The following PIK3C2G variants were observed in gnomAD, a reference collection of about 807,000 sequenced individuals.
The protein encoded by PIK3C2G is phosphatidylinositol 3-kinase C2 domain-containing subunit gamma.
A neutral mutation model predicts 181.1 loss-of-function variants in PIK3C2G; 168 were observed. That is an observed-to-expected ratio of 0.93 (90% CI 0.82 to 1.05). The LOEUF (loss-of-function observed/expected upper bound fraction) is 1.05. PIK3C2G is among the 50% of genes least tolerant of loss of function. The pLI is 0.00. For synonymous variants in PIK3C2G, 573 were observed against 592.2 expected (o/e 0.97, Z 0.47); for missense variants, 1,869 against 1,732.8 (o/e 1.08, Z -1.40).
At chr12:18,430,120 A>G (rs947784340) in intron 18 of PIK3C2G, among the ~76,000 whole-genome samples, 2 of 152,248 alleles carry the variant, frequency 1.3e-5, no homozygotes, top group African/African-American at 2.4e-5. Context: ...ATTCTGCCTC[A>G]TGTCCTGTTC....
intron 24 of PIK3C2G, among the ~76,000 whole-genome samples, chr12:18,517,480 T>A (rs1592468070): frequency 6.6e-6 from 1 of 152,314 alleles, no homozygotes; most frequent in East Asian, 1.9e-4. Context: ...AGGTATTTTA[T>A]TCTCTTTGTA....
the PIK3C2G span, among the ~76,000 whole-genome samples, chr12:18,694,476 A>G: frequency 6.6e-6 from 1 of 152,162 alleles, no homozygotes; most frequent in Non-Finnish European, 1.5e-5. Flanking sequence ...TATGGGGGGA[A>G]GAATCCTGAC....
chr12:18,640,626 T>C, intron 32 of PIK3C2G, 72 bp downstream of exon 32: 3 of 1,388,808 alleles, frequency 2.2e-6, no homozygotes, highest in Non-Finnish European at 3.0e-6. Context: ...CAACCAAATA[T>C]GGAAAATTTG....
intron 23 of PIK3C2G, among the ~76,000 whole-genome samples, 181 bp downstream of exon 23, chr12:18,503,598 A>G (rs773759176): frequency 2.2e-4 from 34 of 152,166 alleles, no homozygotes; most frequent in Admixed American, 2.2e-3. Context: ...AAGTTTCTGC[A>G]TTTTATTTAG....
downstream of PIK3C2G, among the ~76,000 whole-genome samples, chr12:18,651,262 C>G (rs487232): frequency 5.4e-3 from 828 of 152,062 alleles, 9 homozygotes; most frequent in African/African-American, 0.019. Context: ...TGCCTAGCTC[C>G]CTTACCTCTC....
At chr12:18,635,876 A>C (rs959536723) in intron 31 of PIK3C2G, among the ~76,000 whole-genome samples, 1 of 152,134 alleles carries the variant, frequency 6.6e-6, no homozygotes, top group South Asian at 2.1e-4. Context: ...CCCACTAGTC[A>C]TTGTGCCTCT....
At chr12:18,510,267 A>G (rs144386772) in intron 24 of PIK3C2G, among the ~76,000 whole-genome samples, 158 of 152,260 alleles carry the variant, frequency 1.0e-3, no homozygotes, top group Non-Finnish European at 1.8e-3. Flanking sequence ...TGCCCGACCT[A>G]TCTTCATTTT....
intron 18 of PIK3C2G, among the ~76,000 whole-genome samples, chr12:18,455,320 C>A (rs1301604753): frequency 6.6e-6 from 1 of 151,756 alleles, no homozygotes; most frequent in Non-Finnish European, 1.5e-5. Flanking sequence ...AGATGCCTCC[C>A]ACCTAAGGTA....
At chr12:18,483,072 G>A (rs546375945) in intron 18 of PIK3C2G, among the ~76,000 whole-genome samples, 1 of 152,246 alleles carries the variant, frequency 6.6e-6, no homozygotes, top group Non-Finnish European at 1.5e-5. Context: ...AGAGCAACAA[G>A]GGAAAGTAAC....
chr12:18,625,020 T>C (rs10732525), intron 31 of PIK3C2G, among the ~76,000 whole-genome samples: 72,200 of 151,304 alleles, frequency 0.48, 18,256 homozygotes, highest in East Asian at 0.79. Flanking sequence ...GTTTTTGTAG[T>C]CTCATCTATT....
chr12:18,333,368 A>G (rs975091811), intron 8 of PIK3C2G, among the ~76,000 whole-genome samples: 2 of 152,064 alleles, frequency 1.3e-5, no homozygotes, highest in African/African-American at 4.8e-5. Flanking sequence ...TACACGTGCC[A>G]TGGTGGTTTG....
At chr12:18,558,344 A>G (rs1048426239) in intron 26 of PIK3C2G, among the ~76,000 whole-genome samples, 1 of 152,314 alleles carries the variant, frequency 6.6e-6, no homozygotes, top group African/African-American at 2.4e-5. Flanking sequence ...ATTTAATGCT[A>G]TGTTCTGAAT....
At chr12:18,313,921 T>C (rs1950747682) in intron 5 of PIK3C2G, 41 bp from the exon 6 acceptor site, 2 of 992,224 alleles carry the variant, frequency 2.0e-6, no homozygotes, top group Non-Finnish European at 3.1e-6. Context: ...TTTGGGAATA[T>C]TATGGGAGGA....
chr12:18,659,707 G>A, the PIK3C2G span, among the ~76,000 whole-genome samples: 2 of 132,898 alleles, frequency 1.5e-5, no homozygotes, highest in African/African-American at 2.9e-5. Flanking sequence ...AAGTTTTAGG[G>A]CACATGTGCA....
At chr12:18,669,321 G>A in the PIK3C2G span, among the ~76,000 whole-genome samples, 1 of 152,060 alleles carries the variant, frequency 6.6e-6, no homozygotes, top group African/African-American at 2.4e-5. Context: ...GTGGTCTCTT[G>A]TATTCTTACT....
At chr12:18,365,546 C>T (rs1941579717) in intron 12 of PIK3C2G, among the ~76,000 whole-genome samples, 2 of 152,132 alleles carry the variant, frequency 1.3e-5, no homozygotes, top group South Asian at 4.1e-4. Flanking sequence ...TTGATCTCAC[C>T]CTCCATCTTG....
downstream of PIK3C2G, among the ~76,000 whole-genome samples, chr12:18,650,703 TG>T (rs1950446471): frequency 5.4e-5 from 1 of 18,658 alleles, no homozygotes; most frequent in African/African-American, 3.7e-4. Context: ...TGTGTGTGTG[TG>T]TATATATCTA....
At position 18,379,013 on chromosome 12, in the gene PIK3C2G, G is replaced by C. The variant is rs533943449; in HGVS notation, c.1881-2753G>C. 3.5e-3 allele frequency among the ~76,000 whole-genome samples: 530 copies of C among 152,058 alleles called. 3 individuals carry two copies. Among genetic ancestry groups the C allele is most frequent in the African/African-American group, 0.012 (481 of 41,458 alleles). On this transcript the variant is annotated intron_variant, in intron 13 of 32. Transcript: ENST00000538779. Reference sequence around the variant, plus strand: ...ATTTGATCCAGCCATCCCATTACTGGGTATATACCCAAAGGATTATAAATC... The same window carrying C: ...ATTTGATCCAGCCATCCCATTACTGCGTATATACCCAAAGGATTATAAATC...
chr12:18,356,404 G>A (rs937828620), intron 11 of PIK3C2G, among the ~76,000 whole-genome samples: 5 of 152,096 alleles, frequency 3.3e-5, no homozygotes, highest in African/African-American at 9.7e-5. Context: ...AAGTGCTTCT[G>A]GGTGCTGATA....
Sources: allele counts gnomAD v4.1 joint callset (sites outside exome capture counted in the v4.1 genomes callset), GRCh38; gene constraint gnomAD v4.1.1; transcripts MANE v1.5; gene names NCBI Gene and HGNC (gene_info 2026-07-23, HGNC 2026-07-21).